Variants in UBTD1 observed in about 807,000 individuals in gnomAD.
UBTD1 encodes ubiquitin domain containing 1.
In UBTD1, 19 loss-of-function variants were observed where a neutral mutation model predicts 21.7. The observed-to-expected ratio is 0.87, with a 90% CI of 0.61 to 1.28. The LOEUF (loss-of-function observed/expected upper bound fraction) is 1.28, where lower values mean the gene tolerates loss of function less well. Among genes scored for constraint, UBTD1 ranks in the 50% most tolerant of loss-of-function variants. UBTD1 has a pLI of 0.00. For synonymous variants in UBTD1, 116 were observed against 135.1 expected (o/e 0.86, Z 0.98); for missense variants, 282 against 315.1 (o/e 0.89, Z 0.80).
At chr10:97,504,253 AT>A (rs2040389502) in intron 1 of UBTD1, among the ~76,000 whole-genome samples, 1 of 151,862 alleles carries the variant, frequency 6.6e-6, no homozygotes. Flanking sequence ...CCGACAGACT[AT>A]TTCCATCCCA....
intron 1 of UBTD1, among the ~76,000 whole-genome samples, chr10:97,553,573 A>T (rs1183755418): frequency 6.6e-6 from 1 of 152,228 alleles, no homozygotes; most frequent in Non-Finnish European, 1.5e-5. Context: ...ATGTTTGGGC[A>T]TGTCTCCTAT....
intron 1 of UBTD1, among the ~76,000 whole-genome samples, chr10:97,540,002 G>A (rs1463913699): frequency 2.6e-5 from 4 of 152,014 alleles, no homozygotes; most frequent in African/African-American, 4.8e-5. Flanking sequence ...GACCATTTCC[G>A]CCCCCTCTCC....
At chr10:97,562,307 C>T (rs1442010960) in intron 1 of UBTD1, among the ~76,000 whole-genome samples, 2 of 152,216 alleles carry the variant, frequency 1.3e-5, no homozygotes, top group Non-Finnish European at 2.9e-5. Context: ...GTGTCACGCG[C>T]ATCCATGTGA....
In UBTD1 at chr10:97,566,551, C is replaced by G. The variant is rs558906823; in HGVS notation, c.71-1363C>G. 2.4e-3 allele frequency among the ~76,000 whole-genome samples: 361 copies of G among 152,318 alleles called. No homozygotes were observed. In the Middle Eastern group the frequency reaches 0.024, roughly 10 times the overall value. On this transcript the variant is annotated intron_variant, in intron 1 of 2. Coordinates refer to ENST00000370664, the MANE Select transcript of UBTD1 (RefSeq NM_024954.5). ...TGTGACCTGGGGCAAGTCATTTAAT[C>G]TCTCTAAATCTGTCATATCACCTGT...
intron 1 of UBTD1, among the ~76,000 whole-genome samples, chr10:97,541,593 C>T (rs147799052): frequency 1.4e-3 from 208 of 152,342 alleles, no homozygotes; most frequent in African/African-American, 4.7e-3. Flanking sequence ...GCAGTCCTCA[C>T]TGCAGTCCCT....
intron 1 of UBTD1, among the ~76,000 whole-genome samples, chr10:97,539,423 C>T (rs1467476234): frequency 1.3e-5 from 2 of 152,000 alleles, no homozygotes; most frequent in Non-Finnish European, 2.9e-5. Flanking sequence ...GGGAGAGACC[C>T]TGTCTCTACA....
At chr10:97,503,074 G>C (rs748975277) in intron 1 of UBTD1, among the ~76,000 whole-genome samples, 1 of 151,778 alleles carries the variant, frequency 6.6e-6, no homozygotes. Context: ...GCACCACCAC[G>C]CCCAGCTAAC....
intron 1 of UBTD1, among the ~76,000 whole-genome samples, chr10:97,517,634 C>T (rs952216575): frequency 1.3e-5 from 2 of 152,122 alleles, no homozygotes; most frequent in African/African-American, 2.4e-5. Flanking sequence ...TGGCCCTCTG[C>T]GGGATCAGGG....
At chr10:97,556,130 G>A (rs2040662990) in intron 1 of UBTD1, among the ~76,000 whole-genome samples, 1 of 152,156 alleles carries the variant, frequency 6.6e-6, no homozygotes, top group Admixed American at 6.5e-5. Flanking sequence ...AGACAAGGGA[G>A]CAGTAAGCAG....
At chr10:97,533,050 A>G (rs2040540712) in intron 1 of UBTD1, among the ~76,000 whole-genome samples, 1 of 151,934 alleles carries the variant, frequency 6.6e-6, no homozygotes, top group Non-Finnish European at 1.5e-5. Flanking sequence ...CTTGTGGCTG[A>G]CTCCTGCATG....
At chr10:97,551,670 G>T (rs1462774984) in intron 1 of UBTD1, among the ~76,000 whole-genome samples, 1 of 152,136 alleles carries the variant, frequency 6.6e-6, no homozygotes, top group Non-Finnish European at 1.5e-5. Context: ...ATCCTACAGG[G>T]TATGGGCTTA....
At chr10:97,532,939 G>A (rs941691358) in intron 1 of UBTD1, among the ~76,000 whole-genome samples, 3 of 152,196 alleles carry the variant, frequency 2.0e-5, no homozygotes, top group African/African-American at 4.8e-5. Context: ...GCGCATCTTC[G>A]CAGTCCATGT....
chr10:97,526,766 G>T (rs1334189532), intron 1 of UBTD1, among the ~76,000 whole-genome samples: 1 of 150,162 alleles, frequency 6.7e-6, no homozygotes, highest in Non-Finnish European at 1.5e-5. Flanking sequence ...CAGGAGAATT[G>T]CTTGCTTGAA....
intron 1 of UBTD1, among the ~76,000 whole-genome samples, chr10:97,547,869 GTTT>G (rs1178541884): frequency 6.6e-6 from 1 of 150,570 alleles, no homozygotes; most frequent in East Asian, 2.0e-4. Flanking sequence ...CAGCCTCGCA[GTTT>G]TCATTTTTCA....
chr10:97,533,526 C>T (rs1434717643), intron 1 of UBTD1, among the ~76,000 whole-genome samples: 3 of 152,130 alleles, frequency 2.0e-5, no homozygotes, highest in Non-Finnish European at 1.5e-5. Context: ...GCTGGTGGAG[C>T]GTGTCTGAGG....
intron 1 of UBTD1, among the ~76,000 whole-genome samples, chr10:97,556,309 T>C (rs1005702761): frequency 7.0e-6 from 1 of 142,344 alleles, no homozygotes; most frequent in African/African-American, 2.5e-5. Context: ...CCTGTGATCA[T>C]CTATGTGTAG....
chr10:97,510,773 C>T (rs1320620230), intron 1 of UBTD1, among the ~76,000 whole-genome samples: 1 of 152,132 alleles, frequency 6.6e-6, no homozygotes, highest in African/African-American at 2.4e-5. Context: ...AAGCAAGTTG[C>T]AAGATAGTGT....
At chr10:97,545,481 A>T (rs2135677376) in intron 1 of UBTD1, among the ~76,000 whole-genome samples, 1 of 151,492 alleles carries the variant, frequency 6.6e-6, no homozygotes, top group African/African-American at 2.4e-5. Context: ...GCTTGGTGCT[A>T]GGACATCGCC....
intron 1 of UBTD1, among the ~76,000 whole-genome samples, chr10:97,508,381 CA>C (rs2040408014): frequency 6.6e-6 from 1 of 152,226 alleles, no homozygotes; most frequent in African/African-American, 2.4e-5. Context: ...GATCCCTTCA[CA>C]AACATCATCT....
Sources: gnomAD v4.1 joint callset for allele counts (sites outside exome capture counted in the v4.1 genomes callset) on GRCh38, gnomAD v4.1.1 for gene constraint, MANE v1.5 for transcripts, NCBI Gene and HGNC (gene_info 2026-07-23, HGNC 2026-07-21) for gene names.